Variants in PCBP3 observed in about 807,000 individuals in gnomAD.
The protein encoded by PCBP3 is poly(rC) binding protein 3, also known as poly(rC)-binding protein 3.
A neutral mutation model predicts 52.7 loss-of-function variants in PCBP3; 25 were observed. The ratio of observed to expected loss-of-function variants is 0.47; its 90% confidence interval spans 0.35 to 0.66. PCBP3 has a LOEUF of 0.66. Among genes scored for constraint, PCBP3 ranks in the 30% least tolerant of loss-of-function variants. PCBP3 has a pLI of 0.01. For missense variants in PCBP3, 391 were observed against 490.3 expected (o/e 0.80, Z 1.91); for synonymous variants, 162 against 183.0 (o/e 0.89, Z 0.93).
At position 45,900,750 on chromosome 21, in the gene PCBP3, C is replaced by T; in HGVS notation, c.222+127C>T. ...GCCGGGGTGTGTGGGGAGTGCAGTG[C>T]GGGGCCTCTTTTCCCCTACTCAGGC... On this transcript the variant is annotated intron_variant, in intron 8 of 17. Transcript: ENST00000681687. 8.9e-6 allele frequency: 7 copies of T among 785,228 alleles called. 1 individual carries two copies. The highest frequency in any genetic ancestry group is 7.8e-5 in the South Asian group (5 of 63,790). 48.6% of individuals were successfully genotyped at this position (785,228 alleles called of 1,614,324 possible).
At chr21:45,877,372 T>C (rs772890818) in intron 5 of PCBP3, among the ~76,000 whole-genome samples, 1 of 152,220 alleles carries the variant, frequency 6.6e-6, no homozygotes, top group Non-Finnish European at 1.5e-5. Context: ...TCATTACACA[T>C]CACTTCTTAC....
rs1387249260 is a variant in PCBP3, at chr21:45,736,727, CTT to C, written c.-162+1300_-162+1301del. 6.6e-6 allele frequency among the ~76,000 whole-genome samples: 1 copy of C among 152,194 alleles called. No homozygotes were observed. Among genetic ancestry groups the C allele is most frequent in the Non-Finnish European group, 1.5e-5 (1 of 68,030 alleles). On this transcript the variant is annotated intron_variant, in intron 3 of 17. Coordinates refer to ENST00000681687, the MANE Select transcript of PCBP3 (RefSeq NM_001384156.1). The surrounding 1 kb of genome is among the most constrained non-coding windows in gnomAD (Gnocchi z 4.6). ...TACTAACAAATTACTTGAACAAAGA[CTT>C]TGTTTGTTCCTTCATTCGTTCAGCA...
chr21:45,779,162 T>G (rs2090462147), intron 4 of PCBP3, among the ~76,000 whole-genome samples: 1 of 152,238 alleles, frequency 6.6e-6, no homozygotes, highest in South Asian at 2.1e-4. Context: ...AGGCTAGGTT[T>G]GAAAATGGTG....
chr21:45,808,253 A>G (rs530438853), intron 4 of PCBP3, among the ~76,000 whole-genome samples: 8 of 152,240 alleles, frequency 5.3e-5, no homozygotes, highest in Non-Finnish European at 1.0e-4. Flanking sequence ...CAGAGTGATC[A>G]GGCAGCCTAC....
intron 4 of PCBP3, among the ~76,000 whole-genome samples, chr21:45,847,546 T>C (rs529677059): frequency 6.6e-6 from 1 of 152,262 alleles, no homozygotes; most frequent in South Asian, 2.1e-4. Flanking sequence ...CTTAGCTATT[T>C]AAAACTATTT....
chr21:45,881,103 T>C (rs2095394126), intron 5 of PCBP3, among the ~76,000 whole-genome samples: 1 of 152,212 alleles, frequency 6.6e-6, no homozygotes, highest in Non-Finnish European at 1.5e-5. Context: ...TTCCTGTTTT[T>C]TTCTGAGCAT....
intron 4 of PCBP3, among the ~76,000 whole-genome samples, chr21:45,769,468 T>C (rs1213756438): frequency 6.6e-6 from 1 of 152,264 alleles, no homozygotes; most frequent in Admixed American, 6.5e-5. Flanking sequence ...CTGGAGCACC[T>C]GCGTCTCTGA....
intron 13 of PCBP3, among the ~76,000 whole-genome samples, chr21:45,922,083 TC>T (rs903552401): frequency 6.6e-6 from 1 of 151,976 alleles, no homozygotes; most frequent in African/African-American, 2.4e-5. Context: ...AAGTGCAGTT[TC>T]AGAAATGAGA....
rs536083023 is a variant in PCBP3 at position 45,923,474 on chromosome 21, G to A, written c.717+5845G>A. On this transcript the variant is annotated intron_variant, in intron 13 of 17. Coordinates refer to ENST00000681687, the MANE Select transcript of PCBP3 (RefSeq NM_001384156.1). ...TCCATCTTTCCTTGCTTGGAACACC[G>A]CACCCTCTGCAGGGCCCCAGTGGCA... Among the ~76,000 whole-genome samples, 17 of 152,274 alleles carry A rather than the reference G, an allele frequency of 1.1e-4. No homozygotes were observed. The East Asian group carries it at 2.1e-3, about 19-fold the overall frequency.
intron 4 of PCBP3, among the ~76,000 whole-genome samples, chr21:45,784,403 TCTACCGCTACCG>T (rs141071522): frequency 1.7e-5 from 2 of 118,292 alleles, no homozygotes; most frequent in Non-Finnish European, 3.5e-5. Flanking sequence ...TACCGCTACC[TCTACCGCTACCG>T]CTACCCCTAC....
chr21:45,928,564 G>C lies in PCBP3; in HGVS notation c.718-1353G>C, dbSNP rs932645368. On this transcript the variant is annotated intron_variant, in intron 13 of 17. Transcript: ENST00000681687. This position sits in a 1 kb window ranked among gnomAD's most constrained non-coding sequence, Gnocchi z 4.1. ...GACCACAGTCGCCGCATTCCTGACT[G>C]TGCTCCCTGGTGTCAGGGAACCCAG... 3.3e-5 allele frequency among the ~76,000 whole-genome samples: 5 copies of C among 152,302 alleles called. No homozygotes were observed. The East Asian group carries it at 7.7e-4, about 24-fold the overall frequency.
Position 45,665,302 on chromosome 21 carries a change from G to C in PCBP3, c.-278-3572G>C, listed in dbSNP as rs1000617598. ...ACATGCCTGTAGTCCTAGCTCCTTG[G>C]GGGGCTGAGGTGGGAGAATCACTTG... is the stretch of plus-strand genomic sequence containing the variant. On this transcript the variant is annotated intron_variant, in intron 1 of 17. Coordinates refer to ENST00000681687, the MANE Select transcript of PCBP3 (RefSeq NM_001384156.1). Among the ~76,000 whole-genome samples, 10 of 152,054 alleles carry C rather than the reference G, an allele frequency of 6.6e-5. No individual in the cohort carries two copies. The East Asian group carries it at 1.7e-3, about 27-fold the overall frequency.
At chr21:45,680,693 C>G (rs1022277435) in intron 2 of PCBP3, among the ~76,000 whole-genome samples, 1 of 151,962 alleles carries the variant, frequency 6.6e-6, no homozygotes, top group African/African-American at 2.4e-5. Flanking sequence ...TTATTTATTT[C>G]CTTATTACAC....
rs1191361259 is a variant in PCBP3, at chr21:45,909,766, C to G, written c.471+280C>G. Among the ~76,000 whole-genome samples, 168 of 109,344 alleles carry G rather than the reference C, an allele frequency of 1.5e-3. 1 individual carries two copies. Among genetic ancestry groups the G allele is most frequent in the African/African-American group, 5.1e-3 (139 of 27,088 alleles). 71.7% of individuals were successfully genotyped at this position (109,344 alleles called of 152,430 possible). A position where few individuals can be genotyped will look rare whatever the true frequency, so the allele number is the denominator to read the frequency against. On this transcript the variant is annotated intron_variant, in intron 10 of 17. Transcript: ENST00000681687. ...CCACCCACTGCCCAGATACGGACCC[C>G]CCCCACCCACTGCCCAGATACGGAC... is the stretch of plus-strand genomic sequence containing the variant.
At chr21:45,650,862 T>C (rs1447968900) in intron 1 of PCBP3, among the ~76,000 whole-genome samples, 1 of 151,950 alleles carries the variant, frequency 6.6e-6, no homozygotes. Flanking sequence ...TAGTCCATTC[T>C]GCTCACATTT....
intron 2 of PCBP3, among the ~76,000 whole-genome samples, chr21:45,692,797 C>T (rs1220300676): frequency 6.6e-6 from 1 of 152,032 alleles, no homozygotes; most frequent in Non-Finnish European, 1.5e-5. Context: ...CAAGAATATC[C>T]GGATACCAAA....
chr21:45,650,318 A>G (rs2079594986), intron 1 of PCBP3, among the ~76,000 whole-genome samples: 1 of 152,170 alleles, frequency 6.6e-6, no homozygotes, highest in Non-Finnish European at 1.5e-5. Flanking sequence ...AGCCTAAATT[A>G]TTGGACCCAA....
Position 45,817,869 on chromosome 21 carries a change from AAT to A in PCBP3, c.-125-32090_-125-32089del, listed in dbSNP as rs2093014077. Among the ~76,000 whole-genome samples, 1 of 152,194 alleles carries A rather than the reference AAT, an allele frequency of 6.6e-6. No individual in the cohort carries two copies. Among genetic ancestry groups the A allele is most frequent in the African/African-American group, 2.4e-5 (1 of 41,450 alleles). ...GGATTTATTTCACTTTTGAAAAGTT[AAT>A]AGTCTTTATGTTTTAGGGCAATTGT... On this transcript the variant is annotated intron_variant, in intron 4 of 17. Coordinates refer to ENST00000681687, the MANE Select transcript of PCBP3 (RefSeq NM_001384156.1). This position sits in a 1 kb window ranked among gnomAD's most constrained non-coding sequence, Gnocchi z 4.3.
At chr21:45,759,354 T>G (rs562295318) in intron 4 of PCBP3, among the ~76,000 whole-genome samples, 80 of 152,358 alleles carry the variant, frequency 5.3e-4, no homozygotes, top group African/African-American at 1.7e-3. Flanking sequence ...TTAATTGTTA[T>G]AAGATTTTTT....
Sources: gnomAD v4.1 joint callset for allele counts (sites outside exome capture counted in the v4.1 genomes callset) on GRCh38, gnomAD v4.1.1 for gene constraint, Gnocchi (gnomAD v3.1) non-coding constraint, MANE v1.5 for transcripts, NCBI Gene and HGNC (gene_info 2026-07-23, HGNC 2026-07-21) for gene names.